The following NR5A2 variants were observed in gnomAD, a reference collection of about 807,000 sequenced individuals.
NR5A2 encodes the protein nuclear receptor subfamily 5 group A member 2, also known as CYP7A promoter-binding factor.
A neutral mutation model predicts 62.7 loss-of-function variants in NR5A2; 26 were observed. The observed-to-expected ratio is 0.41, with a 90% confidence interval of 0.30 to 0.58. The LOEUF is 0.58. Ranked by LOEUF, NR5A2 falls within the 20% of genes least tolerant of loss-of-function variation. The pLI, the probability that NR5A2 is intolerant of heterozygous loss-of-function variation, is 0.22. For synonymous variants in NR5A2, 246 were observed against 241.7 expected, an observed-to-expected ratio of 1.02 and a Z score of -0.16; for missense variants, 541 against 669.1, an observed-to-expected ratio of 0.81 and a Z score of 2.11.
chr1:200,069,827 A>G (rs575669310), intron 5 of NR5A2, among the ~76,000 whole-genome samples: 1 of 152,240 alleles, frequency 6.6e-6, no homozygotes, highest in South Asian at 2.1e-4. Context: ...TTAAGTGACT[A>G]ATTAAGAGGA....
chr1:200,139,919 G>GCC (rs1480399245), intron 7 of NR5A2, among the ~76,000 whole-genome samples: 1 of 152,188 alleles, frequency 6.6e-6, no homozygotes, highest in Non-Finnish European at 1.5e-5. Context: ...CTGTCTGGTA[G>GCC]CCCTACGTCC....
chr1:200,056,777 G>A (rs1054504051), intron 5 of NR5A2, among the ~76,000 whole-genome samples: 12 of 152,108 alleles, frequency 7.9e-5, no homozygotes, highest in South Asian at 2.1e-4. Flanking sequence ...CGTCCTGTTC[G>A]TATTAACCTG....
intron 5 of NR5A2, among the ~76,000 whole-genome samples, chr1:200,106,778 C>T (rs2102284182): frequency 1.3e-5 from 2 of 152,272 alleles, no homozygotes; most frequent in South Asian, 4.1e-4. Flanking sequence ...AACAAAAAAT[C>T]TTCAAAATTG....
chr1:200,141,617 G>T (rs1667445793), intron 7 of NR5A2, among the ~76,000 whole-genome samples: 1 of 152,094 alleles, frequency 6.6e-6, no homozygotes, highest in African/African-American at 2.4e-5. Flanking sequence ...ATTTCTCTTG[G>T]ATAAATGCCC....
intron 5 of NR5A2, among the ~76,000 whole-genome samples, chr1:200,066,243 G>A (rs1287187313): frequency 6.6e-6 from 1 of 152,118 alleles, no homozygotes; most frequent in African/African-American, 2.4e-5. Context: ...ACATGTTGAG[G>A]TAAAGCTGAT....
At chr1:200,146,036 T>G (rs1026648341) in intron 7 of NR5A2, among the ~76,000 whole-genome samples, 2 of 152,190 alleles carry the variant, frequency 1.3e-5, no homozygotes, top group African/African-American at 4.8e-5. Context: ...CCTCATAATC[T>G]CTTCCCTTTA....
chr1:200,081,999 G>A (rs545195725), intron 5 of NR5A2, among the ~76,000 whole-genome samples: 2 of 152,150 alleles, frequency 1.3e-5, no homozygotes, highest in South Asian at 2.1e-4. Context: ...AGTGGGATTT[G>A]TCACTGTTTG....
intron 4 of NR5A2, among the ~76,000 whole-genome samples, chr1:200,046,991 T>C (rs551488371): frequency 2.8e-4 from 43 of 152,330 alleles, no homozygotes; most frequent in African/African-American, 1.0e-3. Context: ...AAAAACTCTT[T>C]ATAATCTTGT....
At chr1:200,131,795 T>G (rs935287297) in intron 7 of NR5A2, among the ~76,000 whole-genome samples, 5 of 152,212 alleles carry the variant, frequency 3.3e-5, no homozygotes, top group African/African-American at 1.2e-4. Context: ...TAGATCTTCT[T>G]TCTAGTTTAC....
chr1:200,111,058 A>C (rs1014718126), intron 5 of NR5A2, 144 bp from the exon 6 acceptor site: 20 of 845,522 alleles, frequency 2.4e-5, no homozygotes, highest in Non-Finnish European at 3.5e-5. Context: ...AATTCTGGGC[A>C]CCTGTGCTTC....
At chr1:200,056,075 G>T (rs1479926274) in intron 5 of NR5A2, among the ~76,000 whole-genome samples, 1 of 152,150 alleles carries the variant, frequency 6.6e-6, no homozygotes, top group Non-Finnish European at 1.5e-5. Context: ...AGAAGGCTTT[G>T]GTGTGGCTGA....
intron 5 of NR5A2, among the ~76,000 whole-genome samples, chr1:200,061,277 T>TG (rs1259893358): frequency 6.9e-6 from 1 of 144,416 alleles, no homozygotes. Flanking sequence ...GGGATTAACT[T>TG]TTTTTTTTTT....
intron 7 of NR5A2, among the ~76,000 whole-genome samples, chr1:200,162,738 G>A (rs1653698615): frequency 6.6e-6 from 1 of 152,084 alleles, no homozygotes; most frequent in Admixed American, 6.6e-5. Context: ...GAAGAGGAGA[G>A]GGAGGAGTCA....
chr1:200,083,967 A>AAATAATAAT (rs149200240), intron 5 of NR5A2, among the ~76,000 whole-genome samples: 6,517 of 142,650 alleles, frequency 0.046, 175 homozygotes, highest in South Asian at 0.048. Flanking sequence ...CTCCATCTCA[A>AAATAATAAT]AATAATAATA....
chr1:200,095,876 T>C (rs1447136652), intron 5 of NR5A2, among the ~76,000 whole-genome samples: 1 of 151,878 alleles, frequency 6.6e-6, no homozygotes, highest in Non-Finnish European at 1.5e-5. Flanking sequence ...TTTAAAAAAT[T>C]TTTTGGCAGT....
At position 200,175,506 on chromosome 1, in the gene NR5A2, T is replaced by G. The variant is rs1654376336; in HGVS notation, c.*1296T>G. The G allele has an allele frequency of 6.5e-6, 1 of 152,688 alleles. No individual in the cohort carries two copies. Among genetic ancestry groups the G allele is most frequent in the Non-Finnish European group, 1.5e-5 (1 of 68,042 alleles). The allele number at this position is 152,688 out of a possible 1,614,324, so 9.5% of individuals were successfully genotyped here. ...ATGACTATTATCAGTATTATTAACA[T>G]GCGATGCCACAGGTATGAAAGTCTT... On this transcript the variant is annotated 3_prime_UTR_variant, in exon 8 of 8. Transcript: ENST00000367362.
rs71132660 is a variant in NR5A2 at position 200,108,081 on chromosome 1, C to CGTGT, written c.1111-3090_1111-3087dup. ...TGATGAGATGGCTCTAGAAGACATA[C>CGTGT]GTGTGTGTGTGTGTGTGTGTGTGTG... is the stretch of plus-strand genomic sequence containing the variant. On this transcript the variant is annotated intron_variant, in intron 5 of 7. Transcript: ENST00000367362. Among the ~76,000 whole-genome samples the CGTGT allele has an allele frequency of 1.5e-3, 214 of 146,870 alleles. 6 individuals are homozygous for CGTGT. Among genetic ancestry groups the CGTGT allele is most frequent in the Middle Eastern group, 3.5e-3 (1 of 288 alleles).
At chr1:200,116,651 C>A (rs765932611) in intron 6 of NR5A2, among the ~76,000 whole-genome samples, 1 of 152,074 alleles carries the variant, frequency 6.6e-6, no homozygotes, top group African/African-American at 2.4e-5. Flanking sequence ...GTTTTAATTG[C>A]GTCTTTGAAT....
At chr1:200,078,339 A>G (rs1481686751) in intron 5 of NR5A2, among the ~76,000 whole-genome samples, 1 of 152,180 alleles carries the variant, frequency 6.6e-6, no homozygotes, top group East Asian at 1.9e-4. Flanking sequence ...AAAGGAATGA[A>G]CTAAGGTGCA....
Sources: allele counts gnomAD v4.1 joint callset (sites outside exome capture counted in the v4.1 genomes callset), GRCh38; gene constraint gnomAD v4.1.1; transcripts MANE v1.5; gene names NCBI Gene and HGNC (gene_info 2026-07-23, HGNC 2026-07-21).